Variants in ST8SIA1 observed in about 807,000 individuals in gnomAD.
The protein encoded by ST8SIA1 is ST8 alpha-N-acetyl-neuraminide alpha-2,8-sialyltransferase 1.
A neutral mutation model predicts 35.9 loss-of-function variants in ST8SIA1; 16 were observed. That is an observed-to-expected ratio of 0.45 (90% CI 0.30 to 0.68). The LOEUF is 0.68. ST8SIA1 is among the 30% of genes least tolerant of loss of function. The probability of loss-of-function intolerance (pLI) is 0.09; values close to 1 mark genes in which losing one functional copy is unlikely to be tolerated. For missense variants in ST8SIA1, 383 were observed against 453.6 expected, an observed-to-expected ratio of 0.84 and a Z score of 1.41; for synonymous variants, 170 against 169.6, an observed-to-expected ratio of 1.00 and a Z score of -0.02.
intron 2 of ST8SIA1, among the ~76,000 whole-genome samples, chr12:22,263,089 C>T (rs74068787): frequency 0.035 from 5,311 of 152,192 alleles, 338 homozygotes; most frequent in African/African-American, 0.12. Flanking sequence ...TATGAGGAGG[C>T]TCTGAGGCTC....
Position 22,201,446 on chromosome 12 carries a change from C to A in ST8SIA1, c.*106G>T. ...CTTCATTGCTCCTTTCCTGTTTTTC[C>A]AAGGGCCCATGCAAACTCATGAAAC... is the stretch of plus-strand genomic sequence containing the variant. On this transcript the variant is annotated 3_prime_UTR_variant, in exon 5 of 5. Coordinates refer to ENST00000396037, the MANE Select transcript of ST8SIA1 (RefSeq NM_003034.4). The A allele has an allele frequency of 7.0e-7, 1 of 1,432,354 alleles. No homozygotes were observed. The highest frequency in any genetic ancestry group is 9.3e-7 in the Non-Finnish European group (1 of 1,073,450). The allele number at this position is 1,432,354 out of a possible 1,614,324, so 88.7% of individuals were successfully genotyped here.
chr12:22,204,820 T>C lies in ST8SIA1; in HGVS notation c.585-2782A>G, dbSNP rs1355816047. On this transcript the variant is annotated intron_variant, in intron 4 of 4. Transcript: ENST00000396037. ...ATTAGATTCAATTCAATAATTGTTA[T>C]GGTATACTGAATATGTTTAATATTA... Among the ~76,000 whole-genome samples, 4 of 152,352 alleles carry C rather than the reference T, an allele frequency of 2.6e-5. No homozygotes were observed. In the South Asian group the frequency reaches 8.3e-4, roughly 32 times the overall value.
At chr12:22,235,458 T>C (rs1457885026) in intron 4 of ST8SIA1, among the ~76,000 whole-genome samples, 2 of 152,194 alleles carry the variant, frequency 1.3e-5, no homozygotes. Context: ...AATGTTACTG[T>C]CATCCGTTTT....
At chr12:22,234,077 T>C (rs961022049) in intron 4 of ST8SIA1, among the ~76,000 whole-genome samples, 7 of 152,040 alleles carry the variant, frequency 4.6e-5, no homozygotes, top group African/African-American at 1.7e-4. Flanking sequence ...CTGGCCAACA[T>C]GGTGAAACCC....
chr12:22,321,046 G>T (rs1340429755), intron 1 of ST8SIA1, among the ~76,000 whole-genome samples: 1 of 150,822 alleles, frequency 6.6e-6, no homozygotes, highest in African/African-American at 2.4e-5. Flanking sequence ...GAAAGAGAAA[G>T]AAAAGAAAAG....
intron 1 of ST8SIA1, among the ~76,000 whole-genome samples, chr12:22,301,015 A>G (rs1219982775): frequency 1.3e-5 from 2 of 152,140 alleles, no homozygotes; most frequent in East Asian, 3.9e-4. Context: ...TCATTCTGAT[A>G]TGACTTAGTG....
intron 4 of ST8SIA1, among the ~76,000 whole-genome samples, chr12:22,205,108 A>G (rs1189017782): frequency 6.6e-6 from 1 of 152,168 alleles, no homozygotes; most frequent in East Asian, 1.9e-4. Context: ...GCTTTCCTTT[A>G]TTAGGCTTAT....
intron 1 of ST8SIA1, among the ~76,000 whole-genome samples, chr12:22,302,573 C>T (rs1187457637): frequency 6.6e-6 from 1 of 152,244 alleles, no homozygotes; most frequent in Non-Finnish European, 1.5e-5. Context: ...TAAACCATCC[C>T]AGACATGAGA....
intron 1 of ST8SIA1, among the ~76,000 whole-genome samples, chr12:22,293,370 A>G (rs183389867): frequency 6.6e-6 from 1 of 152,358 alleles, no homozygotes; most frequent in East Asian, 1.9e-4. Context: ...TGTCTCCCCA[A>G]AGTTCTTCCT....
At chr12:22,328,155 C>A (rs1866705514) in intron 1 of ST8SIA1, among the ~76,000 whole-genome samples, 1 of 152,182 alleles carries the variant, frequency 6.6e-6, no homozygotes, top group Admixed American at 6.5e-5. Context: ...AAATTAAGAA[C>A]CTCTGCTCTA....
chr12:22,229,676 A>G (rs1432054125), intron 4 of ST8SIA1, among the ~76,000 whole-genome samples: 1 of 151,638 alleles, frequency 6.6e-6, no homozygotes, highest in African/African-American at 2.4e-5. Context: ...GGCTTGAAAG[A>G]TGGTGCCAAT....
At chr12:22,234,072 C>T (rs1299438744) in intron 4 of ST8SIA1, among the ~76,000 whole-genome samples, 1 of 151,934 alleles carries the variant, frequency 6.6e-6, no homozygotes, top group Non-Finnish European at 1.5e-5. Flanking sequence ...CCAGTCTGGC[C>T]AACATGGTGA....
At chr12:22,266,846 T>TAC (rs1228345503) in intron 2 of ST8SIA1, among the ~76,000 whole-genome samples, 6 of 101,628 alleles carry the variant, frequency 5.9e-5, no homozygotes, top group Non-Finnish European at 9.8e-5. Flanking sequence ...TACACAAAAG[T>TAC]ATACACACAC....
chr12:22,246,438 G>T (rs1865602814), intron 4 of ST8SIA1, among the ~76,000 whole-genome samples: 1 of 151,978 alleles, frequency 6.6e-6, no homozygotes, highest in African/African-American at 2.4e-5. Flanking sequence ...ATAGATATTT[G>T]AGATCTTCGA....
At chr12:22,325,493 C>G in intron 1 of ST8SIA1, 4 of 701,720 alleles carry the variant, frequency 5.7e-6, no homozygotes, top group Non-Finnish European at 1.0e-5. Flanking sequence ...GGATAAAAAT[C>G]GATTCCTTCA....
rs3063791 is a variant in ST8SIA1 at position 22,198,522 on chromosome 12, T to TACACACACACACACAC, written c.*3014_*3029dup. Reference sequence around the variant, plus strand: ...AGGATAGAGATGCCTAACTTCATGCTACACACACACACACACACACACACA... The same window carrying TACACACACACACACAC: ...AGGATAGAGATGCCTAACTTCATGCTACACACACACACACACACACACACACACACACACACACACA... On this transcript the variant is annotated 3_prime_UTR_variant, in exon 5 of 5. Transcript: ENST00000396037. The TACACACACACACACAC allele has an allele frequency of 2.3e-4, 30 of 133,060 alleles. No individual in the cohort carries two copies. The highest frequency in any genetic ancestry group is 2.7e-4 in the Non-Finnish European group (17 of 62,034). 8.2% of individuals were successfully genotyped at this position (133,060 alleles called of 1,614,324 possible). A position where few individuals can be genotyped will look rare whatever the true frequency, so the allele number is the denominator to read the frequency against.
At position 22,327,672 on chromosome 12, in the gene ST8SIA1, C is replaced by T. The variant is rs369040085; in HGVS notation, c.236+6325G>A. On this transcript the variant is annotated intron_variant, in intron 1 of 4. Coordinates refer to ENST00000396037, the MANE Select transcript of ST8SIA1 (RefSeq NM_003034.4). ...CCCTCTCACCAGGGATTAAGGGGAA[C>T]ATTAGTGAAAATCTTAAACAGCTGT... 5.0e-4 allele frequency among the ~76,000 whole-genome samples: 76 copies of T among 152,250 alleles called. 1 individual carries two copies. Among genetic ancestry groups the T allele is most frequent in the African/African-American group, 1.8e-3 (74 of 41,542 alleles).
chr12:22,248,917 A>T, intron 4 of ST8SIA1, 89 bp downstream of exon 4: 1 of 948,596 alleles, frequency 1.1e-6, no homozygotes, highest in Non-Finnish European at 1.6e-6. Flanking sequence ...TGATTTCCCA[A>T]ACTGAATTAT....
chr12:22,235,292 T>C (rs1424423612), intron 4 of ST8SIA1, among the ~76,000 whole-genome samples: 1 of 152,206 alleles, frequency 6.6e-6, no homozygotes, highest in East Asian at 1.9e-4. Flanking sequence ...TTTTAAACAA[T>C]ATATAATCCA....
Sources: gnomAD v4.1 joint callset for allele counts (sites outside exome capture counted in the v4.1 genomes callset) on GRCh38, gnomAD v4.1.1 for gene constraint, MANE v1.5 for transcripts, NCBI Gene and HGNC (gene_info 2026-07-23, HGNC 2026-07-21) for gene names.